Variants in DCUN1D4 observed in about 807,000 individuals in gnomAD.
DCUN1D4 encodes the protein defective in cullin neddylation 1 domain containing 4, also known as DCN1-like protein 4.
A neutral mutation model predicts 47.9 loss-of-function variants in DCUN1D4; 22 were observed. The ratio of observed to expected loss-of-function variants is 0.46; its 90% CI spans 0.33 to 0.66. DCUN1D4 has a LOEUF of 0.66. Among genes scored for constraint, DCUN1D4 ranks in the 30% least tolerant of loss-of-function variants. The pLI is 0.02. For synonymous variants in DCUN1D4, 121 were observed against 112.2 expected, an observed-to-expected ratio of 1.08 and a Z score of -0.50; for missense variants, 301 against 340.8, an observed-to-expected ratio of 0.88 and a Z score of 0.92.
intron 5 of DCUN1D4, among the ~76,000 whole-genome samples, chr4:51,886,157 A>G (rs1453192407): frequency 2.0e-5 from 3 of 152,216 alleles, no homozygotes; most frequent in African/African-American, 7.2e-5. Context: ...TTTTCTATGT[A>G]AAAGAAACAT....
intron 6 of DCUN1D4, among the ~76,000 whole-genome samples, chr4:51,888,412 T>C (rs756021881): frequency 3.3e-5 from 5 of 152,170 alleles, no homozygotes; most frequent in Non-Finnish European, 4.4e-5. Context: ...AAGATAGTTA[T>C]TGTCATTCTT....
chr4:51,886,711 TA>T, intron 6 of DCUN1D4, 73 bp downstream of exon 6: 1 of 1,222,312 alleles, frequency 8.2e-7, no homozygotes, highest in Admixed American at 1.8e-5. Context: ...CTTTAGCAAA[TA>T]AATAAATAAT....
Position 51,843,230 on chromosome 4 carries a change from G to A in DCUN1D4, c.-13G>A, listed in dbSNP as rs1467920409. ...GGAGCCTGGGCGGCGAGCCGGGTGT[G>A]AGCTGCCTGAAAATGCACTCGGATG... On this transcript the variant is annotated 5_prime_UTR_variant, in exon 1 of 11. Coordinates refer to ENST00000334635, the MANE Select transcript of DCUN1D4 (RefSeq NM_001040402.3). The A allele has an allele frequency of 1.3e-6, 2 of 1,541,978 alleles. No homozygotes were observed. Among genetic ancestry groups the A allele is most frequent in the South Asian group, 2.4e-5 (2 of 82,944 alleles).
the DCUN1D4 span, among the ~76,000 whole-genome samples, chr4:51,837,532 G>T: frequency 6.6e-6 from 1 of 151,838 alleles, no homozygotes; most frequent in Non-Finnish European, 1.5e-5. Context: ...GCGGGCGCCT[G>T]TAGTCCCAAC....
At chr4:51,845,833 G>C (rs1328238603) in intron 1 of DCUN1D4, among the ~76,000 whole-genome samples, 6 of 152,174 alleles carry the variant, frequency 3.9e-5, no homozygotes. Flanking sequence ...TTCTTTTCAT[G>C]ATGAGTGAAA....
At chr4:51,896,498 A>G (rs1731284017) in intron 7 of DCUN1D4, among the ~76,000 whole-genome samples, 1 of 152,162 alleles carries the variant, frequency 6.6e-6, no homozygotes, top group South Asian at 2.1e-4. Context: ...CCGGTGAAGA[A>G]CAGGGACCTC....
At chr4:51,834,074 C>CTTT in the DCUN1D4 span, among the ~76,000 whole-genome samples, 29 of 105,984 alleles carry the variant, frequency 2.7e-4, no homozygotes, top group Non-Finnish European at 4.0e-4. Context: ...CTCTCTCTCT[C>CTTT]TCTCTCTCTC....
intron 8 of DCUN1D4, among the ~76,000 whole-genome samples, chr4:51,907,665 C>G (rs1177332813): frequency 1.3e-5 from 2 of 151,894 alleles, no homozygotes; most frequent in Non-Finnish European, 2.9e-5. Flanking sequence ...GAATTTTTTT[C>G]TTTGTAATTT....
intron 1 of DCUN1D4, chr4:51,848,228 G>C: frequency 7.8e-7 from 1 of 1,289,196 alleles, no homozygotes; most frequent in South Asian, 1.2e-5. Context: ...AGAATGTGGC[G>C]TGGAGAAATT....
At chr4:51,864,726 T>A (rs773527704) in intron 3 of DCUN1D4, among the ~76,000 whole-genome samples, 19 of 152,212 alleles carry the variant, frequency 1.2e-4, no homozygotes, top group Non-Finnish European at 1.9e-4. Flanking sequence ...CTGACCTAAT[T>A]GCCTCCCAAC....
At chr4:51,862,618 A>G (rs922743889) in intron 1 of DCUN1D4, among the ~76,000 whole-genome samples, 2 of 152,176 alleles carry the variant, frequency 1.3e-5, no homozygotes, top group Admixed American at 6.5e-5. Context: ...AAATCCTGAT[A>G]TTTTGTGAAA....
chr4:51,879,910 T>C (rs2110007931), intron 5 of DCUN1D4, among the ~76,000 whole-genome samples: 1 of 152,324 alleles, frequency 6.6e-6, no homozygotes, highest in Non-Finnish European at 1.5e-5. Context: ...TTGTTTGCCT[T>C]TCTCTGACTT....
At chr4:51,853,860 G>A (rs970161526) in intron 1 of DCUN1D4, among the ~76,000 whole-genome samples, 2 of 152,210 alleles carry the variant, frequency 1.3e-5, no homozygotes, top group African/African-American at 2.4e-5. Context: ...TGGGCAGATC[G>A]TGCAGACCCT....
chr4:51,870,820 T>C (rs1184467433), intron 3 of DCUN1D4, among the ~76,000 whole-genome samples: 1 of 152,240 alleles, frequency 6.6e-6, no homozygotes, highest in Non-Finnish European at 1.5e-5. Context: ...TTTATTTAGT[T>C]CATGTTGGCA....
chr4:51,836,701 C>T, the DCUN1D4 span, among the ~76,000 whole-genome samples: 1 of 152,174 alleles, frequency 6.6e-6, no homozygotes, highest in Non-Finnish European at 1.5e-5. Flanking sequence ...TTCCATAACA[C>T]ATTATCATCA....
At chr4:51,835,575 G>T in the DCUN1D4 span, among the ~76,000 whole-genome samples, 1 of 152,200 alleles carries the variant, frequency 6.6e-6, no homozygotes. Context: ...GAAGAGTAAA[G>T]AATAAGAGAG....
intron 1 of DCUN1D4, among the ~76,000 whole-genome samples, chr4:51,849,850 CGTGT>C (rs1203236020): frequency 8.0e-6 from 1 of 125,520 alleles, no homozygotes; most frequent in Non-Finnish European, 1.6e-5. Flanking sequence ...TGTGTGCGTG[CGTGT>C]GTGTGTGTGC....
chr4:51,869,614 A>G (rs1726556463), intron 3 of DCUN1D4, among the ~76,000 whole-genome samples: 1 of 152,224 alleles, frequency 6.6e-6, no homozygotes, highest in Non-Finnish European at 1.5e-5. Flanking sequence ...ATTAAAAAAA[A>G]AGGAAGTGAA....
At position 51,915,279 on chromosome 4, in the gene DCUN1D4, A is replaced by C. The variant is rs1198419892; in HGVS notation, c.*1695A>C. ...ACAAAATCATGATATAGTAGAATGC[A>C]ACTACTTTCTTTTTCTACCAAACGA... On this transcript the variant is annotated 3_prime_UTR_variant, in exon 11 of 11. Coordinates refer to ENST00000334635, the MANE Select transcript of DCUN1D4 (RefSeq NM_001040402.3). 1 of 152,620 alleles carries C rather than the reference A, an allele frequency of 6.6e-6. No homozygotes were observed. Among genetic ancestry groups the C allele is most frequent in the African/African-American group, 2.4e-5 (1 of 41,460 alleles). The allele number at this position is 152,620 out of a possible 1,614,324, so 9.5% of individuals were successfully genotyped here.
Sources: gnomAD v4.1 joint callset for allele counts (sites outside exome capture counted in the v4.1 genomes callset) on GRCh38, gnomAD v4.1.1 for gene constraint, MANE v1.5 for transcripts, NCBI Gene and HGNC (gene_info 2026-07-23, HGNC 2026-07-21) for gene names.